The following YPEL1 variants were observed in gnomAD, a reference collection of about 807,000 sequenced individuals.
YPEL1 encodes the protein yippee like 1.
YPEL1 carries 7 observed loss-of-function variants against 17.3 expected under a neutral mutation model. The ratio of observed to expected loss-of-function variants is 0.40; its 90% CI spans 0.23 to 0.76. The LOEUF (loss-of-function observed/expected upper bound fraction) is 0.76, where lower values mean the gene tolerates loss of function less well. Ranked by LOEUF, YPEL1 falls within the 30% of genes least tolerant of loss-of-function variation. The pLI, the probability that YPEL1 is intolerant of heterozygous loss-of-function variation, is 0.35. For missense variants in YPEL1, 91 were observed against 155.5 expected, an observed-to-expected ratio of 0.59 and a Z score of 2.21; for synonymous variants, 59 against 59.6, an observed-to-expected ratio of 0.99 and a Z score of 0.05.
At chr22:21,724,607 G>T (rs2148612652) in intron 1 of YPEL1, among the ~76,000 whole-genome samples, 1 of 149,862 alleles carries the variant, frequency 6.7e-6, no homozygotes. Context: ...TTGAGACAGG[G>T]TCTCACTCTG....
At chr22:21,707,051 G>A (rs544461941) in intron 2 of YPEL1, among the ~76,000 whole-genome samples, 1 of 152,120 alleles carries the variant, frequency 6.6e-6, no homozygotes, top group Admixed American at 6.5e-5. Context: ...AAGGCAGGAG[G>A]AAGAAGCAAG....
intron 1 of YPEL1, among the ~76,000 whole-genome samples, chr22:21,716,594 G>A (rs2148606566): frequency 6.6e-6 from 1 of 152,414 alleles, no homozygotes; most frequent in African/African-American, 2.4e-5. Context: ...AAAGCTCACA[G>A]TTGATGGATT....
chr22:21,704,958 A>G (rs1282752611), intron 2 of YPEL1, among the ~76,000 whole-genome samples: 1 of 151,990 alleles, frequency 6.6e-6, no homozygotes, highest in Admixed American at 6.6e-5. Context: ...AACCAAATCA[A>G]AAATTTTGGG....
chr22:21,704,351 G>A (rs1246114426), intron 2 of YPEL1, among the ~76,000 whole-genome samples: 1 of 152,180 alleles, frequency 6.6e-6, no homozygotes, highest in Non-Finnish European at 1.5e-5. Flanking sequence ...TTTTCCCACT[G>A]AAATGTTTTA....
chr22:21,711,006 G>A lies in YPEL1; in HGVS notation c.-164-98C>T, dbSNP rs374188337. 116 of 405,056 alleles carry A rather than the reference G, an allele frequency of 2.9e-4. 1 individual carries two copies. The highest frequency in any genetic ancestry group is 1.4e-3 in the Middle Eastern group (2 of 1,406). 25.1% of individuals were successfully genotyped at this position (405,056 alleles called of 1,614,324 possible). The stretch of plus-strand genomic sequence containing the variant: ...TGTGTTGTGAAGCAACACGCGGGGT[G>A]GGGGGGTGGCAGGACTAGAATTTTT... On this transcript the variant is annotated intron_variant, in intron 1 of 4. Coordinates refer to ENST00000339468, the MANE Select transcript of YPEL1 (RefSeq NM_013313.5).
chr22:21,706,639 A>C (rs955841262), intron 2 of YPEL1, among the ~76,000 whole-genome samples: 6 of 151,950 alleles, frequency 3.9e-5, no homozygotes, highest in African/African-American at 1.5e-4. Flanking sequence ...TGAGGTCAGG[A>C]GTTCAAGACC....
intron 1 of YPEL1, among the ~76,000 whole-genome samples, chr22:21,725,220 ATTTT>A (rs991732672): frequency 7.9e-6 from 1 of 126,278 alleles, no homozygotes; most frequent in African/African-American, 2.9e-5. Flanking sequence ...TAAAATGGTA[ATTTT>A]TTTTTTTTTT....
At chr22:21,713,409 G>A (rs1262625510) in intron 1 of YPEL1, among the ~76,000 whole-genome samples, 1 of 152,178 alleles carries the variant, frequency 6.6e-6, no homozygotes, top group Non-Finnish European at 1.5e-5. Context: ...TGTGGCGTCT[G>A]CATACAGTGG....
Position 21,703,250 on chromosome 22 carries a change from C to G in YPEL1, c.270+120G>C, listed in dbSNP as rs1569057685. ...TGGACTTCCCACCTCGGCTGAGGAA[C>G]TGGGGTTTCTGAAAGTGCTGTGACT... is the stretch of plus-strand genomic sequence containing the variant. On this transcript the variant is annotated intron_variant, in intron 4 of 4. Coordinates refer to ENST00000339468, the MANE Select transcript of YPEL1 (RefSeq NM_013313.5). The surrounding 1 kb of genome is among the most constrained non-coding windows in gnomAD (Gnocchi z 6.1). The G allele has an allele frequency of 1.2e-6, 1 of 842,132 alleles. No homozygotes were observed. Among genetic ancestry groups the G allele is most frequent in the Non-Finnish European group, 1.9e-6 (1 of 516,434 alleles). The allele number at this position is 842,132 out of a possible 1,614,324, so 52.2% of individuals were successfully genotyped here.
In YPEL1 at chr22:21,701,870, C is replaced by G. The variant is rs74406969; in HGVS notation, c.271-652G>C. On this transcript the variant is annotated intron_variant, in intron 4 of 4. Transcript: ENST00000339468. ...AGTCCAGGAGTTTGAGACAAGCCTACGCAACACAGTGATTTTCTTCTACAA... is the reference window on the plus strand; with the variant it reads ...AGTCCAGGAGTTTGAGACAAGCCTAGGCAACACAGTGATTTTCTTCTACAA... 8.8e-3 allele frequency among the ~76,000 whole-genome samples: 1,335 copies of G among 152,072 alleles called. 25 individuals carry two copies. Among genetic ancestry groups the G allele is most frequent in the African/African-American group, 0.031 (1,278 of 41,448 alleles).
intron 1 of YPEL1, among the ~76,000 whole-genome samples, chr22:21,714,052 C>A (rs1396802034): frequency 6.6e-6 from 1 of 152,138 alleles, no homozygotes; most frequent in Admixed American, 6.5e-5. Context: ...CACCGCCCCC[C>A]ACCCCATGTG....
At chr22:21,729,715 T>TG (rs1348709335) in intron 1 of YPEL1, among the ~76,000 whole-genome samples, 3 of 152,248 alleles carry the variant, frequency 2.0e-5, no homozygotes, top group African/African-American at 7.2e-5. Context: ...CAGCCCTGGA[T>TG]GGGGGTTCAT....
At chr22:21,727,507 A>G (rs572598018) in intron 1 of YPEL1, among the ~76,000 whole-genome samples, 2 of 152,224 alleles carry the variant, frequency 1.3e-5, no homozygotes, top group South Asian at 2.1e-4. Flanking sequence ...CATCCCCCCA[A>G]ATAGACATTA....
rs966739999 is a variant in YPEL1, at chr22:21,698,412, A to G, written c.*2717T>C. The stretch of plus-strand genomic sequence containing the variant: ...GAAAAGCTCTAAATAGAACTTTAGT[A>G]TATACAAAAACCACTCGGTAGAGTT... On this transcript the variant is annotated 3_prime_UTR_variant, in exon 5 of 5. Coordinates refer to ENST00000339468, the MANE Select transcript of YPEL1 (RefSeq NM_013313.5). 2.0e-5 allele frequency: 3 copies of G among 152,388 alleles called. No homozygotes were observed. The highest frequency in any genetic ancestry group is 4.4e-5 in the Non-Finnish European group (3 of 68,048). The allele number at this position is 152,388 out of a possible 1,614,324, so 9.4% of individuals were successfully genotyped here.
Position 21,700,022 on chromosome 22 carries a change from A to T in YPEL1, c.*1107T>A, listed in dbSNP as rs2068048831. ...CATGTTCCACTAGACACCATTCTCA[A>T]TTTAGAGTGTATCTAAAATGTCATC... On this transcript the variant is annotated 3_prime_UTR_variant, in exon 5 of 5. Transcript: ENST00000339468. 1 of 152,362 alleles carries T rather than the reference A, an allele frequency of 6.6e-6. No individual in the cohort carries two copies. The highest frequency in any genetic ancestry group is 6.5e-5 in the Admixed American group (1 of 15,284). 9.4% of individuals were successfully genotyped at this position (152,362 alleles called of 1,614,324 possible).
rs566065120 is a variant in YPEL1, at chr22:21,728,586, T to C, written c.-165+7029A>G. Among the ~76,000 whole-genome samples, 5 of 152,272 alleles carry C rather than the reference T, an allele frequency of 3.3e-5. No individual in the cohort carries two copies. In the East Asian group the frequency reaches 9.6e-4, roughly 29 times the overall value. ...ACCCAAGGTTGCACAGCCAGTGACC[T>C]GTGAAGCTGGATTCAAAGCCAGAGT... is the stretch of plus-strand genomic sequence containing the variant. On this transcript the variant is annotated intron_variant, in intron 1 of 4. Transcript: ENST00000339468.
chr22:21,699,875 C>T lies in YPEL1; in HGVS notation c.*1254G>A, dbSNP rs1177673312. On this transcript the variant is annotated 3_prime_UTR_variant, in exon 5 of 5. Coordinates refer to ENST00000339468, the MANE Select transcript of YPEL1 (RefSeq NM_013313.5). ...TGCTGTCACTGCTGAGGGCACAACC[C>T]CTGGTACCAGACCCTGTGAGGCTGT... is the stretch of plus-strand genomic sequence containing the variant. 1.3e-5 allele frequency: 2 copies of T among 152,554 alleles called. No homozygotes were observed. Among genetic ancestry groups the T allele is most frequent in the African/African-American group, 4.8e-5 (2 of 41,450 alleles). 9.5% of individuals were successfully genotyped at this position (152,554 alleles called of 1,614,324 possible).
At chr22:21,713,760 A>G (rs2068194439) in intron 1 of YPEL1, among the ~76,000 whole-genome samples, 1 of 152,176 alleles carries the variant, frequency 6.6e-6, no homozygotes, top group Non-Finnish European at 1.5e-5. Context: ...ATTTTAAAGA[A>G]GAGTGTATCA....
At position 21,704,142 on chromosome 22, in the gene YPEL1, T is replaced by C. The variant is rs1334320883; in HGVS notation, c.118-260A>G. 4.2e-6 allele frequency: 3 copies of C among 718,376 alleles called. No homozygotes were observed. The South Asian group carries it at 4.4e-5, about 11-fold the overall frequency. 44.5% of individuals were successfully genotyped at this position (718,376 alleles called of 1,614,324 possible). A position where few individuals can be genotyped will look rare whatever the true frequency, so the allele number is the denominator to read the frequency against. ...TGCAAGTGACTATTATTGGGAATCA[T>C]GGCAAGATCAGTTTTTAAATGGTGA... On this transcript the variant is annotated intron_variant, in intron 2 of 4. Coordinates refer to ENST00000339468, the MANE Select transcript of YPEL1 (RefSeq NM_013313.5).
Sources: allele counts gnomAD v4.1 joint callset (sites outside exome capture counted in the v4.1 genomes callset), GRCh38; gene constraint gnomAD v4.1.1; non-coding constraint Gnocchi (gnomAD v3.1); transcripts MANE v1.5; gene names NCBI Gene and HGNC (gene_info 2026-07-23, HGNC 2026-07-21).